The following ZNF569 variants were observed in gnomAD, a reference collection of about 807,000 sequenced individuals.
ZNF569 encodes zinc finger protein 569.
A neutral mutation model predicts 56.3 loss-of-function variants in ZNF569; 38 were observed. The ratio of observed to expected loss-of-function variants is 0.68; its 90% CI spans 0.52 to 0.88. ZNF569 has a LOEUF of 0.88. ZNF569 is among the 40% of genes least tolerant of loss of function. ZNF569 has a pLI of 0.00. For missense variants in ZNF569, 666 were observed against 809.2 expected (o/e 0.82, Z 2.15); for synonymous variants, 241 against 262.9 (o/e 0.92, Z 0.81).
At chr19:37,423,324 T>C (rs1456343477) in intron 5 of ZNF569, among the ~76,000 whole-genome samples, 1 of 152,170 alleles carries the variant, frequency 6.6e-6, no homozygotes, top group Non-Finnish European at 1.5e-5. Context: ...ATCTACCAAA[T>C]TTTCTAGGGA....
At chr19:37,463,711 C>T (rs1213875465) in intron 2 of ZNF569, among the ~76,000 whole-genome samples, 1 of 127,836 alleles carries the variant, frequency 7.8e-6, no homozygotes, top group Non-Finnish European at 1.6e-5. Context: ...GATAACCATG[C>T]ATGTTTATTG....
Position 37,412,962 on chromosome 19 carries a change from T to G in ZNF569, c.1696A>C (p.Asn566His). 1 of 1,613,614 alleles carries G rather than the reference T, an allele frequency of 6.2e-7. No individual in the cohort carries two copies. Among genetic ancestry groups the G allele is most frequent in the Non-Finnish European group, 8.5e-7 (1 of 1,179,826 alleles). The change falls in exon 6 of 6, where the codon AAT (asparagine) becomes CAT (histidine). Residue 566 changes from asparagine (N) to histidine (H), a missense_variant. Physicochemically the swap from Asn to His is moderately conservative, Grantham distance 68. Transcript: ENST00000316950. ...GKAFSQCSLL[N>H]LHMRSHTGEK... ...CCTGTGTGACTTCTCATATGTAAAT[T>G]AAGCAGTGAGCACTGAGAGAAGGCT...
chr19:37,430,384 A>G (rs577695485), intron 3 of ZNF569, among the ~76,000 whole-genome samples: 1 of 152,314 alleles, frequency 6.6e-6, no homozygotes, highest in East Asian at 1.9e-4. Flanking sequence ...ATGAATTCCA[A>G]GTAGGATAAA....
chr19:37,429,020 A>T (rs2041182189), intron 3 of ZNF569, among the ~76,000 whole-genome samples: 1 of 152,176 alleles, frequency 6.6e-6, no homozygotes, highest in African/African-American at 2.4e-5. Context: ...AGGGAAACAT[A>T]AGCCTAAGAC....
At chr19:37,468,432 TCA>T (rs1206371969), upstream of ZNF569, among the ~76,000 whole-genome samples, 2 of 149,582 alleles carry the variant, frequency 1.3e-5, no homozygotes, top group African/African-American at 2.5e-5. Context: ...ACGCGGTGGC[TCA>T]CGCCTGTGAT....
intron 2 of ZNF569, chr19:37,455,179 G>C: frequency 3.5e-6 from 1 of 285,418 alleles, no homozygotes; most frequent in Non-Finnish European, 6.5e-6. Flanking sequence ...GTTAGGATTA[G>C]GATAACAGTT....
At chr19:37,460,616 G>A (rs1026027879) in intron 2 of ZNF569, among the ~76,000 whole-genome samples, 10 of 152,038 alleles carry the variant, frequency 6.6e-5, no homozygotes, top group South Asian at 4.2e-4. Context: ...GAAGCTAGGC[G>A]TGGTAGCGTG....
intron 2 of ZNF569, among the ~76,000 whole-genome samples, chr19:37,448,639 C>T (rs2041540153): frequency 1.3e-5 from 2 of 149,198 alleles, no homozygotes; most frequent in South Asian, 4.2e-4. Context: ...TCTCAGCTCA[C>T]CGCAAGCTCC....
rs1200100299 is a variant in ZNF569, at chr19:37,426,307, C to T, written c.87G>A (p.Gln29=). Reference sequence around the variant, plus strand: ...GCATCACATTCCGGTACAGTTTTCTCTGAGCAGGATCCAATCTCTTCCACT... The same window carrying T: ...GCATCACATTCCGGTACAGTTTTCTTTGAGCAGGATCCAATCTCTTCCACT... ...QEEWKRLDPA[Q]RKLYRNVMLE... Residue 29 remains glutamine (Q), a synonymous_variant, in exon 4 of 6, where the codon CAG becomes CAA. Transcript: ENST00000316950. The T allele has an allele frequency of 2.5e-6, 4 of 1,613,952 alleles. No individual in the cohort carries two copies. The highest frequency in any genetic ancestry group is 3.3e-5 in the Admixed American group (2 of 59,984).
rs536582390 is a variant in ZNF569 at position 37,447,125 on chromosome 19, C to CA, written c.-43-2162dup. On this transcript the variant is annotated intron_variant, in intron 2 of 5. Transcript: ENST00000316950. Reference sequence around the variant, plus strand: ...TGGCATGGATGTGGTGAAAAGGGAACACTTTTATACTGTCGGTAGGAATGT... The same window carrying CA: ...TGGCATGGATGTGGTGAAAAGGGAACAACTTTTATACTGTCGGTAGGAATGT... Among the ~76,000 whole-genome samples the CA allele has an allele frequency of 6.6e-3, 1,011 of 152,296 alleles. 4 individuals are homozygous for CA. Among genetic ancestry groups the CA allele is most frequent in the Non-Finnish European group, 0.011 (734 of 68,008 alleles).
chr19:37,468,074 T>G (rs2041879548), upstream of ZNF569: 11 of 714,088 alleles, frequency 1.5e-5, 1 homozygote, highest in Middle Eastern at 2.4e-4. Flanking sequence ...CTTTCGTGTT[T>G]TTTTTTTTTT....
chr19:37,443,201 C>A (rs760623139), intron 3 of ZNF569, among the ~76,000 whole-genome samples: 21 of 152,128 alleles, frequency 1.4e-4, no homozygotes, highest in Non-Finnish European at 2.9e-4. Flanking sequence ...ACAAAATTAG[C>A]TGGGCATGGT....
In ZNF569 at chr19:37,460,535, TA is replaced by T. The variant is rs531574561; in HGVS notation, c.-44+4777del. ...AGAAGACAGATTGTCAGAGTGCATT[TA>T]AAAAAAAAAAAACAACTATATATGT... On this transcript the variant is annotated intron_variant, in intron 2 of 5. Transcript: ENST00000316950. 3.0e-3 allele frequency among the ~76,000 whole-genome samples: 423 copies of T among 141,664 alleles called. 1 individual carries two copies. Among genetic ancestry groups the T allele is most frequent in the East Asian group, 0.015 (76 of 4,926 alleles). 92.9% of individuals were successfully genotyped at this position (141,664 alleles called of 152,430 possible).
chr19:37,467,521 A>C, upstream of ZNF569: 1 of 279,800 alleles, frequency 3.6e-6, no homozygotes, highest in Non-Finnish European at 6.7e-6. Flanking sequence ...TCCTTCTTAC[A>C]GTCGGCTGGA....
At chr19:37,453,846 G>T (rs1388143065) in intron 2 of ZNF569, among the ~76,000 whole-genome samples, 8 of 152,118 alleles carry the variant, frequency 5.3e-5, no homozygotes, top group Non-Finnish European at 1.0e-4. Flanking sequence ...TTAAATTCCT[G>T]TTGGGTTGTT....
intron 2 of ZNF569, among the ~76,000 whole-genome samples, chr19:37,449,950 T>C (rs1469410338): frequency 5.3e-5 from 8 of 152,186 alleles, no homozygotes; most frequent in Non-Finnish European, 1.2e-4. Context: ...TCGCTCTCCT[T>C]CCCCCACTTT....
At chr19:37,434,700 C>G (rs575272984) in intron 3 of ZNF569, among the ~76,000 whole-genome samples, 42 of 152,294 alleles carry the variant, frequency 2.8e-4, no homozygotes, top group African/African-American at 9.6e-4. Flanking sequence ...CCTTAACTGA[C>G]GACATTCCAC....
intron 5 of ZNF569, among the ~76,000 whole-genome samples, chr19:37,425,286 G>C (rs1234984665): frequency 5.3e-5 from 8 of 151,498 alleles, no homozygotes; most frequent in Non-Finnish European, 1.2e-4. Flanking sequence ...CAAGCAGCTG[G>C]GATCATAAGC....
rs555588497 is a variant in ZNF569, at chr19:37,425,977, G to A, written c.143-14C>T. On this transcript the variant is annotated splice_polypyrimidine_tract_variant and intron_variant, in intron 4 of 5. Transcript: ENST00000316950. ...TGAACGGATAGCCTGTCAAAGGGAAGTTACATAGATTTGGGCATACATACT... is the reference window on the plus strand; with the variant it reads ...TGAACGGATAGCCTGTCAAAGGGAAATTACATAGATTTGGGCATACATACT... 9.3e-6 allele frequency: 15 copies of A among 1,613,170 alleles called. 1 individual carries two copies. The highest frequency in any genetic ancestry group is 3.3e-4 in the Middle Eastern group (2 of 6,062).
Sources: allele counts gnomAD v4.1 joint callset (sites outside exome capture counted in the v4.1 genomes callset), GRCh38; gene constraint gnomAD v4.1.1; transcripts MANE v1.5; gene names NCBI Gene and HGNC (gene_info 2026-07-23, HGNC 2026-07-21).